Variants in TRANK1 observed in about 807,000 individuals in gnomAD.
TRANK1 encodes the protein tetratricopeptide repeat and ankyrin repeat containing 1.
In TRANK1, 198 loss-of-function variants were observed where a neutral mutation model predicts 266.0. The ratio of observed to expected loss-of-function variants is 0.74; its 90% CI spans 0.66 to 0.84. The LOEUF is 0.84. TRANK1 is among the 40% of genes least tolerant of loss of function. The pLI is 0.00. For synonymous variants in TRANK1, 1,396 were observed against 1,384.1 expected (o/e 1.01, Z -0.19); for missense variants, 3,326 against 3,634.6 (o/e 0.92, Z 2.18).
intron 11 of TRANK1, among the ~76,000 whole-genome samples, 161 bp downstream of exon 11, chr3:36,860,745 G>A (rs943569764): frequency 8.5e-5 from 13 of 152,258 alleles, no homozygotes; most frequent in African/African-American, 3.1e-4. Flanking sequence ...TCACAGGGCA[G>A]TAACCTCCAT....
rs116521369 is a variant in TRANK1 at position 36,916,619 on chromosome 3, A to C, written c.24-8165T>G. On this transcript the variant is annotated intron_variant, in intron 1 of 23. Transcript: ENST00000645898. ...CCAGATCATCCTGGCTGAAGGCAAGATGGAGAGAAATAAGCCAATGTAAAA... is the reference window on the plus strand; with the variant it reads ...CCAGATCATCCTGGCTGAAGGCAAGCTGGAGAGAAATAAGCCAATGTAAAA... 9.4e-3 allele frequency among the ~76,000 whole-genome samples: 1,438 copies of C among 152,248 alleles called. 23 individuals are homozygous for C. Among genetic ancestry groups the C allele is most frequent in the African/African-American group, 0.033 (1,358 of 41,532 alleles).
intron 21 of TRANK1, chr3:36,834,245 A>T (rs1468522638): frequency 4.3e-6 from 1 of 234,220 alleles, no homozygotes; most frequent in Admixed American, 5.1e-5. Flanking sequence ...AGTCTAAATT[A>T]TCCTTGAAAA....
At chr3:36,942,964 T>C (rs762276909) in intron 1 of TRANK1, among the ~76,000 whole-genome samples, 22 of 151,740 alleles carry the variant, frequency 1.4e-4, no homozygotes, top group Non-Finnish European at 2.5e-4. Flanking sequence ...GTGGATCACT[T>C]GAGATCAGGA....
At chr3:36,872,870 C>T (rs920004281) in intron 9 of TRANK1, among the ~76,000 whole-genome samples, 1 of 148,854 alleles carries the variant, frequency 6.7e-6, no homozygotes, top group Non-Finnish European at 1.5e-5. Flanking sequence ...TGAGGAAGGA[C>T]CCATATCTAG....
chr3:36,913,749 G>A (rs2080086533), intron 1 of TRANK1, among the ~76,000 whole-genome samples: 2 of 152,168 alleles, frequency 1.3e-5, no homozygotes, highest in South Asian at 4.1e-4. Flanking sequence ...AGTATGTGGT[G>A]CTGCACCCAA....
intron 5 of TRANK1, among the ~76,000 whole-genome samples, chr3:36,894,984 T>C (rs1181555934): frequency 2.6e-5 from 4 of 152,178 alleles, no homozygotes; most frequent in African/African-American, 9.7e-5. Flanking sequence ...TCCACAAACA[T>C]TACCTGATAG....
chr3:36,913,911 C>A (rs1458883858), intron 1 of TRANK1, among the ~76,000 whole-genome samples: 1 of 152,076 alleles, frequency 6.6e-6, no homozygotes, highest in African/African-American at 2.4e-5. Flanking sequence ...ATCCCCTTCG[C>A]CCATCAACTT....
chr3:36,885,774 A>G (rs1444366707), intron 8 of TRANK1, among the ~76,000 whole-genome samples: 1 of 151,766 alleles, frequency 6.6e-6, no homozygotes, highest in Admixed American at 6.6e-5. Context: ...TCCTGGGTTC[A>G]AGTGATCCTC....
chr3:36,838,872 A>G (rs1373522067), intron 18 of TRANK1, among the ~76,000 whole-genome samples, 156 bp from the exon 19 acceptor site: 1 of 152,248 alleles, frequency 6.6e-6, no homozygotes, highest in African/African-American at 2.4e-5. Context: ...GATATTCTAA[A>G]GAAAGTAGTC....
chr3:36,921,870 G>A (rs778723252), intron 1 of TRANK1, among the ~76,000 whole-genome samples: 11 of 152,140 alleles, frequency 7.2e-5, no homozygotes, highest in South Asian at 2.1e-4. Flanking sequence ...GGCCAGGTAC[G>A]GTGGCTCACA....
chr3:36,853,485 C>T (rs187518576), intron 13 of TRANK1, among the ~76,000 whole-genome samples: 1 of 152,298 alleles, frequency 6.6e-6, no homozygotes, highest in East Asian at 1.9e-4. Context: ...GTGGAAACTG[C>T]TGAATCTAAG....
intron 9 of TRANK1, among the ~76,000 whole-genome samples, chr3:36,867,626 A>G (rs2079244782): frequency 6.6e-6 from 1 of 152,260 alleles, no homozygotes; most frequent in African/African-American, 2.4e-5. Context: ...AAGAAACATC[A>G]GGAAACAAAG....
rs936650612 is a variant in TRANK1, at chr3:36,894,028, A to G, written c.553-1044T>C. On this transcript the variant is annotated intron_variant, in intron 5 of 23. Coordinates refer to ENST00000645898, the MANE Select transcript of TRANK1 (RefSeq NM_001329998.2). The stretch of plus-strand genomic sequence containing the variant: ...AGCCTCGCTGCCCACACTCAACCCC[A>G]CATGATAAGTTCAGCATTCTAGTGG... Among the ~76,000 whole-genome samples the G allele has an allele frequency of 1.3e-5, 2 of 152,100 alleles. 1 individual carries two copies. Among genetic ancestry groups the G allele is most frequent in the South Asian group, 4.2e-4 (2 of 4,812 alleles).
intron 22 of TRANK1, among the ~76,000 whole-genome samples, chr3:36,830,203 T>C (rs2078675075): frequency 6.6e-6 from 1 of 151,880 alleles, no homozygotes; most frequent in Non-Finnish European, 1.5e-5. Context: ...TAATCCCAGC[T>C]ACTTGGGAGG....
intron 10 of TRANK1, among the ~76,000 whole-genome samples, chr3:36,861,775 G>A (rs942252029): frequency 3.7e-4 from 54 of 144,682 alleles, no homozygotes; most frequent in Non-Finnish European, 5.1e-4. Context: ...GCGCGATCTC[G>A]GCTCACTGCA....
chr3:36,862,071 G>A (rs923653161), intron 10 of TRANK1, among the ~76,000 whole-genome samples: 2 of 151,986 alleles, frequency 1.3e-5, no homozygotes, highest in Non-Finnish European at 2.9e-5. Context: ...TAAAAACATA[G>A]GATGCCAATT....
chr3:36,857,387 C>T lies in TRANK1; in HGVS notation c.2335G>A (p.Gly779Arg). 6.2e-7 allele frequency: 1 copy of T among 1,611,770 alleles called. No individual in the cohort carries two copies. Residue 779 changes from glycine (G) to arginine (R), a missense_variant, in exon 13 of 24, where the codon GGG becomes AGG. By Grantham distance (125) the Gly-to-Arg change is moderately radical. Coordinates refer to ENST00000645898, the MANE Select transcript of TRANK1 (RefSeq NM_001329998.2). The surrounding 1 kb of genome is among the most constrained non-coding windows in gnomAD (Gnocchi z 4.3). ...CCCACCTCACTACAGTCAGGGGCCC[C>T]TGCACCCAGAGTCGGCTTGTCATCT... The part of the protein sequence containing the change: ...KKDDKPTLGA[G>R]APDCSEVGEG...
At chr3:36,932,577 G>A (rs970081781) in intron 1 of TRANK1, among the ~76,000 whole-genome samples, 1 of 152,070 alleles carries the variant, frequency 6.6e-6, no homozygotes, top group African/African-American at 2.4e-5. Flanking sequence ...AAACAAACAC[G>A]CACACACAAA....
In TRANK1 at chr3:36,831,767, G is replaced by T; in HGVS notation, c.7816C>A (p.Gln2606Lys). 1.2e-6 allele frequency: 2 copies of T among 1,613,894 alleles called. No homozygotes were observed. Among genetic ancestry groups the T allele is most frequent in the South Asian group, 2.2e-5 (2 of 91,054 alleles). The stretch of plus-strand genomic sequence containing the variant: ...ACCTTCAGGAGCCTCTCGGGAACCT[G>T]GCCAGGGCAGTCCATGCTCATGAGC... The part of the protein sequence containing the change: ...LQLMSMDCPG[Q>K]VPERLLKVVK... The change falls in exon 22 of 24, where the codon CAG becomes AAG. Residue 2606 changes from glutamine to lysine, a missense_variant. Gln to Lys is a moderately conservative substitution (Grantham distance 53). Coordinates refer to ENST00000645898, the MANE Select transcript of TRANK1 (RefSeq NM_001329998.2). The surrounding 1 kb of genome is among the most constrained non-coding windows in gnomAD (Gnocchi z 5.0).
Sources: gnomAD v4.1 joint callset for allele counts (sites outside exome capture counted in the v4.1 genomes callset) on GRCh38, gnomAD v4.1.1 for gene constraint, Gnocchi (gnomAD v3.1) non-coding constraint, MANE v1.5 for transcripts, NCBI Gene and HGNC (gene_info 2026-07-23, HGNC 2026-07-21) for gene names.